The following DPF2 variants were observed in gnomAD, a reference collection of about 807,000 sequenced individuals.
DPF2 encodes zinc finger protein ubi-d4.
Under a neutral mutation model 59.6 loss-of-function variants are expected in DPF2, and 10 were observed. That is an observed-to-expected ratio of 0.17 (90% confidence interval 0.10 to 0.28). The LOEUF is 0.28. DPF2 is among the 10% of genes least tolerant of loss of function. The pLI is 1.00. For synonymous variants in DPF2, 189 were observed against 190.6 expected (o/e 0.99, Z 0.07); for missense variants, 315 against 509.4 (o/e 0.62, Z 3.67).
chr11:65,344,522 G>C (rs1167797132), intron 6 of DPF2: 2 of 1,504,188 alleles, frequency 1.3e-6, no homozygotes, highest in African/African-American at 2.8e-5. Flanking sequence ...TGCTGCTGCT[G>C]CTCCTGTCTC....
chr11:65,333,924 TG>T lies in DPF2; in HGVS notation c.32+8del. 6.2e-7 allele frequency: 1 copy of T among 1,613,412 alleles called. No individual in the cohort carries two copies. Among genetic ancestry groups the T allele is most frequent in the Non-Finnish European group, 8.5e-7 (1 of 1,179,784 alleles). ...GTGGAGAATGTAGTGAAGCTGTGAG[TG>T]GTCGTTTCTTTCTCTCCTAGGGCGG... On this transcript the variant is annotated splice_region_variant and intron_variant, in intron 1 of 10. Coordinates refer to ENST00000528416, the MANE Select transcript of DPF2 (RefSeq NM_006268.5).
intron 1 of DPF2, among the ~76,000 whole-genome samples, chr11:65,338,006 G>T (rs1003428711): frequency 6.6e-6 from 1 of 152,138 alleles, no homozygotes; most frequent in African/African-American, 2.4e-5. Flanking sequence ...GTTTCTCCAT[G>T]TTGAGGCTGG....
chr11:65,345,831 C>A, intron 7 of DPF2, 28 bp downstream of exon 7: 4 of 1,613,616 alleles, frequency 2.5e-6, no homozygotes, highest in Non-Finnish European at 3.4e-6. Flanking sequence ...AAGTGGTGGG[C>A]AAGCAGAAGT....
rs536690201 is a variant in DPF2, at chr11:65,335,684, A to C, written c.32+1766A>C. Among the ~76,000 whole-genome samples, 3 of 152,336 alleles carry C rather than the reference A, an allele frequency of 2.0e-5. No homozygotes were observed. The South Asian group carries it at 6.2e-4, about 32-fold the overall frequency. Reference sequence around the variant, plus strand: ...GTACTCCCACAGAATTATCCCTTTAAGAAGGGGCTTCTATTCTTCCAGTTC... The same window carrying C: ...GTACTCCCACAGAATTATCCCTTTACGAAGGGGCTTCTATTCTTCCAGTTC... On this transcript the variant is annotated intron_variant, in intron 1 of 10. Coordinates refer to ENST00000528416, the MANE Select transcript of DPF2 (RefSeq NM_006268.5).
chr11:65,343,928 A>T lies in DPF2; in HGVS notation c.559-63A>T, dbSNP rs530733019. 8.1e-6 allele frequency: 13 copies of T among 1,610,810 alleles called. No individual in the cohort carries two copies. In the African/African-American group the frequency reaches 1.3e-4, roughly 17 times the overall value. ...CAAGTGAGATTAGCGGCCACTTCCA[A>T]AAGAGTCTAACTCCTCAGGCCCAGC... On this transcript the variant is annotated intron_variant, in intron 5 of 10. Coordinates refer to ENST00000528416, the MANE Select transcript of DPF2 (RefSeq NM_006268.5).
At chr11:65,340,799 CTATT>C (rs1854343813) in intron 2 of DPF2, among the ~76,000 whole-genome samples, 163 bp from the exon 3 acceptor site, 1 of 152,192 alleles carries the variant, frequency 6.6e-6, no homozygotes, top group East Asian at 1.9e-4. Flanking sequence ...GCTTATATAT[CTATT>C]TTTCTTTTCC....
intron 3 of DPF2, among the ~76,000 whole-genome samples, 157 bp downstream of exon 3, chr11:65,341,230 A>G (rs1375520113): frequency 1.3e-5 from 2 of 152,226 alleles, no homozygotes; most frequent in Admixed American, 1.3e-4. Flanking sequence ...AAGGGGAGAC[A>G]GGTAAACAGA....
intron 10 of DPF2, 84 bp downstream of exon 10, chr11:65,349,015 A>G: frequency 1.3e-6 from 2 of 1,487,414 alleles, no homozygotes; most frequent in Non-Finnish European, 1.9e-6. Context: ...TTATGTTATC[A>G]CTTACATATT....
At chr11:65,350,337 GTTTTC>G (rs757811217) in intron 10 of DPF2, among the ~76,000 whole-genome samples, 10 of 143,018 alleles carry the variant, frequency 7.0e-5, no homozygotes, top group Middle Eastern at 3.5e-3. Flanking sequence ...AAGCTGTTTT[GTTTTC>G]TTTTCTTTTC....
rs965274656 is a variant in DPF2 at position 65,336,865 on chromosome 11, C to T, written c.32+2947C>T. ...CAGCACTTTGGGAGGCTGAGGCGGG[C>T]GGATCACAAGGTCAGGAGTTTGAGA... On this transcript the variant is annotated intron_variant, in intron 1 of 10. Transcript: ENST00000528416. 2.6e-4 allele frequency among the ~76,000 whole-genome samples: 38 copies of T among 148,998 alleles called. No individual in the cohort carries two copies. The East Asian group carries it at 5.4e-3, about 21-fold the overall frequency.
chr11:65,352,491 C>G lies in DPF2; in HGVS notation c.*732C>G, dbSNP rs138582021. ...CTCATCTTCTGCCTCCCTTCCTACT[C>G]CTTTTGGTTTTGTGGGGAGAGGGGA... On this transcript the variant is annotated 3_prime_UTR_variant, in exon 11 of 11. Transcript: ENST00000528416. 139 of 152,806 alleles carry G rather than the reference C, an allele frequency of 9.1e-4. 2 individuals are homozygous for G. Among genetic ancestry groups the G allele is most frequent in the Non-Finnish European group, 1.4e-3 (96 of 68,128 alleles). 9.5% of individuals were successfully genotyped at this position (152,806 alleles called of 1,614,324 possible). A position where few individuals can be genotyped will look rare whatever the true frequency, so the allele number is the denominator to read the frequency against.
Position 65,340,963 on chromosome 11 carries a change from C to G in DPF2, c.194-3C>G. Reference sequence around the variant, plus strand: ...CTGACTTCTATCTTTCTTCCTGCCACAGGATTGGCCTCCGGACAGCTGTAC... The same window carrying G: ...CTGACTTCTATCTTTCTTCCTGCCAGAGGATTGGCCTCCGGACAGCTGTAC... On this transcript the variant is annotated splice_region_variant and splice_polypyrimidine_tract_variant and intron_variant, in intron 2 of 10. Transcript: ENST00000528416. 6.2e-7 allele frequency: 1 copy of G among 1,613,880 alleles called. No homozygotes were observed. The highest frequency in any genetic ancestry group is 8.5e-7 in the Non-Finnish European group (1 of 1,179,930).
At chr11:65,337,547 A>AGAGAGAGAGAGAGG (rs1251201046) in intron 1 of DPF2, among the ~76,000 whole-genome samples, 1 of 131,640 alleles carries the variant, frequency 7.6e-6, no homozygotes, top group East Asian at 2.2e-4. Context: ...AGAGAGAGAG[A>AGAGAGAGAGAGAGG]ACAATGTTAA....
chr11:65,344,781 A>G, intron 6 of DPF2: 1 of 773,718 alleles, frequency 1.3e-6, no homozygotes, highest in Non-Finnish European at 2.0e-6. Flanking sequence ...TACTCCTCAA[A>G]GTCCTGAAGG....
chr11:65,334,600 G>A (rs1412857376), intron 1 of DPF2, among the ~76,000 whole-genome samples: 3 of 152,192 alleles, frequency 2.0e-5, no homozygotes, highest in African/African-American at 7.2e-5. Context: ...ATCTAGGTGG[G>A]CATTCTTCCT....
intron 1 of DPF2, among the ~76,000 whole-genome samples, chr11:65,337,342 C>G (rs1386727453): frequency 6.8e-6 from 1 of 146,924 alleles, no homozygotes; most frequent in Non-Finnish European, 1.5e-5. Flanking sequence ...GAGCCTGAGG[C>G]AAGAGAATCG....
rs1854795298 is a variant in DPF2 at position 65,354,019 on chromosome 11, G to C, written c.*2260G>C. Among the ~76,000 whole-genome samples the C allele has an allele frequency of 6.6e-6, 1 of 152,212 alleles. No individual in the cohort carries two copies. Among genetic ancestry groups the C allele is most frequent in the African/African-American group, 2.4e-5 (1 of 41,456 alleles). ...GGAGGTAGGATTTGAGATGGGTCTT[G>C]GAGAGTTGGACAGTGTCAGCCGGTA... is the stretch of plus-strand genomic sequence containing the variant. On this transcript the variant is annotated 3_prime_UTR_variant, in exon 11 of 11. Transcript: ENST00000528416.
At chr11:65,336,757 C>A (rs180958832) in intron 1 of DPF2, among the ~76,000 whole-genome samples, 265 of 143,304 alleles carry the variant, frequency 1.8e-3, no homozygotes, top group African/African-American at 6.5e-3. Context: ...CCACTGCACT[C>A]CAGCCTGGCA....
chr11:65,338,093 G>A lies in DPF2; in HGVS notation c.33-2292G>A, dbSNP rs1171574602. Among the ~76,000 whole-genome samples the A allele has an allele frequency of 3.9e-5, 6 of 152,192 alleles. No homozygotes were observed. In the East Asian group the frequency reaches 7.7e-4, roughly 20 times the overall value. ...TGGGATTACAGGCGTGAGCCACTGC[G>A]CCAGGCCTTTTTTATTTTTATTTTT... On this transcript the variant is annotated intron_variant, in intron 1 of 10. Coordinates refer to ENST00000528416, the MANE Select transcript of DPF2 (RefSeq NM_006268.5).
Sources: gnomAD v4.1 joint callset for allele counts (sites outside exome capture counted in the v4.1 genomes callset) on GRCh38, gnomAD v4.1.1 for gene constraint, MANE v1.5 for transcripts, NCBI Gene and HGNC (gene_info 2026-07-23, HGNC 2026-07-21) for gene names.